Variants in HS6ST3 observed in about 807,000 individuals in gnomAD.
HS6ST3 encodes the protein heparan sulfate 6-O-sulfotransferase 3.
In HS6ST3, 12 loss-of-function variants were observed where a neutral mutation model predicts 36.7. The ratio of observed to expected loss-of-function variants is 0.33; its 90% CI spans 0.21 to 0.53. The LOEUF is 0.53. HS6ST3 is among the 20% of genes least tolerant of loss of function. The pLI is 0.95. For missense variants in HS6ST3, 584 were observed against 640.9 expected (o/e 0.91, Z 0.96); for synonymous variants, 240 against 257.5 (o/e 0.93, Z 0.65).
At chr13:96,119,031 G>T (rs1453013369) in intron 1 of HS6ST3, among the ~76,000 whole-genome samples, 3 of 152,044 alleles carry the variant, frequency 2.0e-5, no homozygotes, top group Admixed American at 6.6e-5. Context: ...ATTTGCTGGA[G>T]AATTATGAGT....
At chr13:96,721,661 A>G (rs530562233) in intron 1 of HS6ST3, among the ~76,000 whole-genome samples, 2 of 152,300 alleles carry the variant, frequency 1.3e-5, no homozygotes, top group East Asian at 3.9e-4. Context: ...TATACAATCT[A>G]CATTACCTTA....
chr13:96,206,904 G>C (rs888337506), intron 1 of HS6ST3, among the ~76,000 whole-genome samples: 1 of 152,144 alleles, frequency 6.6e-6, no homozygotes, highest in Non-Finnish European at 1.5e-5. Context: ...CATGGGCAAA[G>C]ATTTCATGAT....
chr13:96,807,405 G>T (rs558767056), intron 1 of HS6ST3, among the ~76,000 whole-genome samples: 1 of 152,128 alleles, frequency 6.6e-6, no homozygotes, highest in African/African-American at 2.4e-5. Flanking sequence ...TACCAGAGTA[G>T]GGTGTGCCCC....
intron 1 of HS6ST3, among the ~76,000 whole-genome samples, chr13:96,737,679 G>A (rs372023579): frequency 6.6e-6 from 1 of 151,088 alleles, no homozygotes; most frequent in South Asian, 2.1e-4. Context: ...CAAACCACGG[G>A]CTATTGGAAT....
At chr13:96,266,993 A>T (rs2054695614) in intron 1 of HS6ST3, among the ~76,000 whole-genome samples, 1 of 152,168 alleles carries the variant, frequency 6.6e-6, no homozygotes. Flanking sequence ...TAATCACCAC[A>T]TGTCATGGGA....
chr13:96,324,941 A>G (rs970060054), intron 1 of HS6ST3, among the ~76,000 whole-genome samples: 2 of 152,180 alleles, frequency 1.3e-5, no homozygotes, highest in African/African-American at 4.8e-5. Flanking sequence ...TTATGGCAGC[A>G]TTACCTGATT....
chr13:96,133,004 G>T (rs973132962), intron 1 of HS6ST3, among the ~76,000 whole-genome samples: 2 of 151,778 alleles, frequency 1.3e-5, no homozygotes, highest in African/African-American at 4.8e-5. Flanking sequence ...AATCTTTTGA[G>T]TGCCTTTTAT....
chr13:96,824,456 A>G (rs1362464802), intron 1 of HS6ST3, among the ~76,000 whole-genome samples: 1 of 152,120 alleles, frequency 6.6e-6, no homozygotes, highest in Admixed American at 6.5e-5. Context: ...AACTTCCTTA[A>G]TTTGTTCTCA....
chr13:96,359,489 T>G (rs537575856), intron 1 of HS6ST3, among the ~76,000 whole-genome samples: 2 of 152,352 alleles, frequency 1.3e-5, no homozygotes, highest in South Asian at 4.1e-4. Context: ...ATTAACAGCC[T>G]AACAAAGTGT....
intron 1 of HS6ST3, among the ~76,000 whole-genome samples, chr13:96,569,176 C>T (rs1158641400): frequency 6.6e-6 from 1 of 152,208 alleles, no homozygotes; most frequent in East Asian, 1.9e-4. Context: ...TGGCATCATA[C>T]TGAGCTTCTA....
chr13:96,427,366 G>T (rs1394983190), intron 1 of HS6ST3: 1 of 152,558 alleles, frequency 6.6e-6, no homozygotes, highest in Non-Finnish European at 1.5e-5. Context: ...AGATCTCAAT[G>T]AAGGTTAGCT....
At chr13:96,641,928 C>A (rs943162039) in intron 1 of HS6ST3, among the ~76,000 whole-genome samples, 1 of 151,024 alleles carries the variant, frequency 6.6e-6, no homozygotes, top group Non-Finnish European at 1.5e-5. Flanking sequence ...TAGCAACAAA[C>A]AAAAAACATT....
chr13:96,354,989 C>A (rs2055202455), intron 1 of HS6ST3, among the ~76,000 whole-genome samples: 1 of 152,080 alleles, frequency 6.6e-6, no homozygotes, highest in Non-Finnish European at 1.5e-5. Flanking sequence ...CATTGAATAT[C>A]TTAAGCAACT....
chr13:96,128,869 G>A (rs1244862575), intron 1 of HS6ST3, among the ~76,000 whole-genome samples: 4 of 144,572 alleles, frequency 2.8e-5, no homozygotes, highest in East Asian at 3.9e-4. Flanking sequence ...TTTTTTTGGC[G>A]GAGTTTTGCT....
intron 1 of HS6ST3, among the ~76,000 whole-genome samples, chr13:96,602,983 A>G (rs1293905835): frequency 6.6e-6 from 1 of 152,188 alleles, no homozygotes; most frequent in Non-Finnish European, 1.5e-5. Context: ...TTGTCATGCT[A>G]TAGCCAGGTA....
intron 1 of HS6ST3, among the ~76,000 whole-genome samples, chr13:96,796,760 C>T (rs1877922321): frequency 6.6e-6 from 1 of 152,012 alleles, no homozygotes; most frequent in Admixed American, 6.6e-5. Context: ...AACAGTTATT[C>T]AGGAAGCTGG....
At chr13:96,398,547 G>A (rs2055433688) in intron 1 of HS6ST3, among the ~76,000 whole-genome samples, 1 of 152,134 alleles carries the variant, frequency 6.6e-6, no homozygotes, top group African/African-American at 2.4e-5. Context: ...CCAAAGTGCT[G>A]GGATTACAGG....
intron 1 of HS6ST3, among the ~76,000 whole-genome samples, chr13:96,381,790 C>G (rs1315665312): frequency 6.6e-6 from 1 of 151,950 alleles, no homozygotes; most frequent in African/African-American, 2.4e-5. Flanking sequence ...TTGTTTTTAC[C>G]ATTGATGAAG....
rs571081028 is a variant in HS6ST3, at chr13:96,193,595, A to T, written c.707+102026A>T. ...GGATATGTCTTAAATATTTAGGGTG[A>T]TACTGATTATGGGCACACTCTTCAA... On this transcript the variant is annotated intron_variant, in intron 1 of 1. Transcript: ENST00000376705. Among the ~76,000 whole-genome samples, 9 of 152,182 alleles carry T rather than the reference A, an allele frequency of 5.9e-5. No homozygotes were observed. In the South Asian group the frequency reaches 1.7e-3, roughly 28 times the overall value.
Sources: allele counts gnomAD v4.1 joint callset (sites outside exome capture counted in the v4.1 genomes callset), GRCh38; gene constraint gnomAD v4.1.1; transcripts MANE v1.5; gene names NCBI Gene and HGNC (gene_info 2026-07-23, HGNC 2026-07-21).